The following SCOC variants were observed in gnomAD, a reference collection of about 807,000 sequenced individuals.
SCOC encodes short coiled coil protein.
Under a neutral mutation model 9.9 loss-of-function variants are expected in SCOC, and 7 were observed. That is an observed-to-expected ratio of 0.71 (90% CI 0.40 to 1.33). SCOC has a LOEUF of 1.33. Among genes scored for constraint, SCOC ranks in the 40% most tolerant of loss-of-function variants. The probability of loss-of-function intolerance (pLI) is 0.01; values close to 1 mark genes in which losing one functional copy is unlikely to be tolerated. For missense variants in SCOC, 66 were observed against 89.7 expected (o/e 0.74, Z 1.07); for synonymous variants, 19 against 28.2 (o/e 0.67, Z 1.03).
At chr4:140,325,552 G>A (rs992827776) in intron 1 of SCOC, among the ~76,000 whole-genome samples, 1 of 151,972 alleles carries the variant, frequency 6.6e-6, no homozygotes, top group African/African-American at 2.4e-5. Flanking sequence ...ATTTCTTTAA[G>A]AAGATATCAA....
intron 1 of SCOC, among the ~76,000 whole-genome samples, chr4:140,263,595 C>T (rs1317652478): frequency 6.6e-6 from 1 of 152,080 alleles, no homozygotes; most frequent in Non-Finnish European, 1.5e-5. Context: ...TGGAAGAACT[C>T]GGTGAGGTGA....
intron 1 of SCOC, among the ~76,000 whole-genome samples, chr4:140,290,816 A>G (rs1247366953): frequency 9.9e-5 from 15 of 152,194 alleles, no homozygotes; most frequent in Admixed American, 9.8e-4. Flanking sequence ...CTCTGTCTCA[A>G]AAACAAACAA....
chr4:140,258,248 T>C (rs1013498983), intron 1 of SCOC, among the ~76,000 whole-genome samples: 4 of 152,242 alleles, frequency 2.6e-5, no homozygotes, highest in African/African-American at 9.6e-5. Flanking sequence ...GAGATGTTTA[T>C]TAGGTAGTTA....
At chr4:140,351,523 G>A (rs1020182658) in intron 2 of SCOC, among the ~76,000 whole-genome samples, 23 of 152,092 alleles carry the variant, frequency 1.5e-4, no homozygotes, top group African/African-American at 4.8e-4. Context: ...CTGCGTCTGC[G>A]TCTGCTTTTG....
upstream of SCOC, among the ~76,000 whole-genome samples, chr4:140,342,016 C>G (rs1560709668): frequency 1.3e-5 from 2 of 152,166 alleles, no homozygotes; most frequent in Admixed American, 1.3e-4. Flanking sequence ...TTCTGCCTCC[C>G]TCCCTATTTT....
chr4:140,380,238 C>G (rs909846845), intron 3 of SCOC, among the ~76,000 whole-genome samples: 1 of 130,694 alleles, frequency 7.7e-6, no homozygotes, highest in African/African-American at 3.0e-5. Flanking sequence ...ACTCTTGTTG[C>G]CCAGGTTGGA....
At chr4:140,345,835 A>G (rs1726714799) in intron 2 of SCOC, among the ~76,000 whole-genome samples, 1 of 152,200 alleles carries the variant, frequency 6.6e-6, no homozygotes, top group African/African-American at 2.4e-5. Flanking sequence ...CAGACTACCT[A>G]GAAAGGAAGC....
intron 1 of SCOC, among the ~76,000 whole-genome samples, chr4:140,290,573 G>A (rs766178343): frequency 1.3e-5 from 2 of 152,224 alleles, no homozygotes; most frequent in Non-Finnish European, 2.9e-5. Context: ...AGCACTTGGG[G>A]AAGCTGAGGT....
At chr4:140,301,826 T>C (rs1731819616) in intron 1 of SCOC, among the ~76,000 whole-genome samples, 1 of 152,214 alleles carries the variant, frequency 6.6e-6, no homozygotes, top group African/African-American at 2.4e-5. Flanking sequence ...TTATTCTTTT[T>C]ATTGTTTGTT....
chr4:140,341,040 C>T (rs10012718), upstream of SCOC, among the ~76,000 whole-genome samples: 86,863 of 151,360 alleles, frequency 0.57, 26,904 homozygotes, highest in Non-Finnish European at 0.71. Flanking sequence ...TTGTGATCCA[C>T]CCGCCTCGGC....
At chr4:140,356,317 T>C (rs868587690) in intron 2 of SCOC, among the ~76,000 whole-genome samples, 3 of 152,252 alleles carry the variant, frequency 2.0e-5, no homozygotes, top group African/African-American at 7.2e-5. Context: ...TTAGTGTATA[T>C]TTCTTACAAA....
intron 1 of SCOC, among the ~76,000 whole-genome samples, chr4:140,295,166 A>G (rs1731585983): frequency 1.3e-5 from 2 of 152,140 alleles, no homozygotes; most frequent in Non-Finnish European, 2.9e-5. Context: ...TTAGTAGTAT[A>G]TTTCCTTCCT....
chr4:140,320,302 G>A (rs1016620799), intron 1 of SCOC, among the ~76,000 whole-genome samples: 1 of 152,182 alleles, frequency 6.6e-6, no homozygotes, highest in African/African-American at 2.4e-5. Context: ...AAAAAGGGGA[G>A]GCATGAATAA....
At chr4:140,266,702 A>C (rs1208656700) in intron 1 of SCOC, among the ~76,000 whole-genome samples, 1 of 152,188 alleles carries the variant, frequency 6.6e-6, no homozygotes, top group Non-Finnish European at 1.5e-5. Context: ...AAGACAAAAT[A>C]AAGAGCCATT....
intron 1 of SCOC, among the ~76,000 whole-genome samples, chr4:140,374,983 G>T (rs1183189978): frequency 6.6e-6 from 1 of 152,202 alleles, no homozygotes; most frequent in Non-Finnish European, 1.5e-5. Context: ...TAGTTCTCCA[G>T]TATGACAGAT....
At chr4:140,366,635 C>A in intron 2 of SCOC, 1 of 1,605,692 alleles carries the variant, frequency 6.2e-7, no homozygotes, top group Non-Finnish European at 8.5e-7. Context: ...TTCTGCCAGG[C>A]TTGTCTGACA....
intron 1 of SCOC, among the ~76,000 whole-genome samples, chr4:140,331,483 T>C (rs2126495216): frequency 6.6e-6 from 1 of 152,332 alleles, no homozygotes; most frequent in South Asian, 2.1e-4. Flanking sequence ...GACATCCATT[T>C]AAACATCTTA....
intron 1 of SCOC, among the ~76,000 whole-genome samples, chr4:140,260,837 C>T (rs1218096644): frequency 2.0e-5 from 3 of 152,086 alleles, no homozygotes; most frequent in Non-Finnish European, 2.9e-5. Flanking sequence ...AGAAATTGTT[C>T]TGATTTATTT....
At chr4:140,279,008 GT>G (rs561113852) in intron 1 of SCOC, among the ~76,000 whole-genome samples, 54 of 152,228 alleles carry the variant, frequency 3.5e-4, no homozygotes, top group African/African-American at 1.3e-3. Context: ...ATCCTGTGTA[GT>G]TTGGCCCTAC....
Sources: allele counts gnomAD v4.1 joint callset (sites outside exome capture counted in the v4.1 genomes callset), GRCh38; gene constraint gnomAD v4.1.1; transcripts MANE v1.5; gene names NCBI Gene and HGNC (gene_info 2026-07-23, HGNC 2026-07-21).